Variants in SHANK2 observed in about 807,000 individuals in gnomAD.
SHANK2 encodes the protein SH3 and multiple ankyrin repeat domains 2.
A neutral mutation model predicts 133.7 loss-of-function variants in SHANK2; 43 were observed. The ratio of observed to expected loss-of-function variants is 0.32; its 90% confidence interval spans 0.25 to 0.41. SHANK2 has a LOEUF of 0.41. Ranked by LOEUF, SHANK2 falls within the 10% of genes least tolerant of loss-of-function variation. The probability of loss-of-function intolerance (pLI) is 1.00; values close to 1 mark genes in which losing one functional copy is unlikely to be tolerated. For synonymous variants in SHANK2, 1,017 were observed against 952.8 expected (o/e 1.07, Z -1.24); for missense variants, 1,994 against 2,235.8 (o/e 0.89, Z 2.18).
At chr11:70,938,213 T>C (rs1009882204) in intron 10 of SHANK2, among the ~76,000 whole-genome samples, 3 of 152,022 alleles carry the variant, frequency 2.0e-5, no homozygotes, top group Non-Finnish European at 1.5e-5. Context: ...GGTTTTCAGG[T>C]GGGACCAGCA....
intron 15 of SHANK2, among the ~76,000 whole-genome samples, chr11:70,696,207 C>T (rs970358408): frequency 6.6e-6 from 1 of 152,162 alleles, no homozygotes; most frequent in Non-Finnish European, 1.5e-5. Context: ...TGAACAGCCA[C>T]AATAGTTCTG....
chr11:71,118,261 T>G (rs1265051596), intron 4 of SHANK2, among the ~76,000 whole-genome samples: 1 of 152,202 alleles, frequency 6.6e-6, no homozygotes, highest in Non-Finnish European at 1.5e-5. Context: ...TGTACAACAG[T>G]GTGAGATTCA....
chr11:71,084,627 G>C (rs1361937151), intron 8 of SHANK2, among the ~76,000 whole-genome samples: 1 of 152,206 alleles, frequency 6.6e-6, no homozygotes, highest in African/African-American at 2.4e-5. Flanking sequence ...TGCTTCTCCC[G>C]AGAGGGCAGA....
intron 2 of SHANK2, among the ~76,000 whole-genome samples, chr11:71,151,219 G>A (rs1171055487): frequency 1.3e-5 from 2 of 152,134 alleles, no homozygotes; most frequent in African/African-American, 4.8e-5. Flanking sequence ...TATAACTGGG[G>A]GGCCCTGTGA....
At chr11:71,227,543 C>G (rs1359559181) in intron 1 of SHANK2, among the ~76,000 whole-genome samples, 2 of 151,268 alleles carry the variant, frequency 1.3e-5, no homozygotes, top group Non-Finnish European at 3.0e-5. Context: ...TACCAAACAA[C>G]AGAGGAGCAA....
intron 12 of SHANK2, among the ~76,000 whole-genome samples, chr11:70,809,797 T>C (rs1482509803): frequency 6.6e-6 from 1 of 152,162 alleles, no homozygotes; most frequent in African/African-American, 2.4e-5. Flanking sequence ...CTTGGATGCT[T>C]ACCTGGGCTC....
intron 12 of SHANK2, among the ~76,000 whole-genome samples, chr11:70,812,842 T>C (rs1948307637): frequency 6.6e-6 from 1 of 152,154 alleles, no homozygotes; most frequent in African/African-American, 2.4e-5. Flanking sequence ...CCAGGAGGGA[T>C]TCTAACCAAC....
chr11:70,504,038 C>T (rs2059100239), intron 17 of SHANK2, among the ~76,000 whole-genome samples: 1 of 152,236 alleles, frequency 6.6e-6, no homozygotes, highest in South Asian at 2.1e-4. Context: ...AGGCAGCTGT[C>T]TCTAGGTGGC....
intron 3 of SHANK2, among the ~76,000 whole-genome samples, chr11:71,127,920 T>C (rs1555103041): frequency 6.6e-6 from 1 of 152,226 alleles, no homozygotes. Context: ...CCAGGCTGCA[T>C]ACAACCCCGC....
At chr11:71,115,935 T>A (rs1951970924) in intron 4 of SHANK2, among the ~76,000 whole-genome samples, 1 of 152,114 alleles carries the variant, frequency 6.6e-6, no homozygotes, top group Non-Finnish European at 1.5e-5. Flanking sequence ...CAATGACAAT[T>A]TTTTTCCCAA....
chr11:70,681,877 G>A (rs114802692), intron 15 of SHANK2, among the ~76,000 whole-genome samples: 207 of 152,216 alleles, frequency 1.4e-3, no homozygotes, highest in African/African-American at 4.9e-3. Context: ...GGTTCTGCAC[G>A]GGCTTCAGGT....
intron 21 of SHANK2, among the ~76,000 whole-genome samples, chr11:70,494,832 C>T (rs2058946244): frequency 6.6e-6 from 1 of 152,182 alleles, no homozygotes; most frequent in South Asian, 2.1e-4. Flanking sequence ...GCACTCTCTC[C>T]CTTCATGACC....
intron 2 of SHANK2, among the ~76,000 whole-genome samples, chr11:71,192,005 C>T (rs114534526): frequency 0.011 from 1,625 of 152,158 alleles, 27 homozygotes; most frequent in African/African-American, 0.037. Flanking sequence ...GGACTACAGG[C>T]CCACAATACC....
At chr11:71,169,483 C>T (rs1327089626) in intron 2 of SHANK2, among the ~76,000 whole-genome samples, 3 of 152,168 alleles carry the variant, frequency 2.0e-5, no homozygotes, top group African/African-American at 7.2e-5. Flanking sequence ...GGTGCGGTGG[C>T]TCACGCCTAT....
chr11:70,568,040 A>C (rs1554982245), intron 17 of SHANK2, among the ~76,000 whole-genome samples: 1 of 152,244 alleles, frequency 6.6e-6, no homozygotes, highest in East Asian at 1.9e-4. Context: ...GCTGATGGCC[A>C]GTACTGGAGG....
chr11:70,493,463 C>CTT, intron 21 of SHANK2, among the ~76,000 whole-genome samples: 1 of 122,352 alleles, frequency 8.2e-6, no homozygotes, highest in East Asian at 2.6e-4. Context: ...ATTTGCAGCA[C>CTT]ATTTTTTTTT....
intron 10 of SHANK2, among the ~76,000 whole-genome samples, chr11:70,919,298 C>T (rs782815091): frequency 6.6e-6 from 1 of 152,100 alleles, no homozygotes; most frequent in Non-Finnish European, 1.5e-5. Flanking sequence ...TTGACTCTCT[C>T]AGCTATTCAA....
intron 6 of SHANK2, among the ~76,000 whole-genome samples, chr11:71,105,197 C>T (rs530581622): frequency 6.6e-6 from 1 of 152,276 alleles, no homozygotes; most frequent in African/African-American, 2.4e-5. Context: ...GCACCTTCCG[C>T]ACGTGCTGCC....
chr11:70,820,786 T>C (rs1555055776), intron 11 of SHANK2, 104 bp from the exon 12 acceptor site: 2 of 568,028 alleles, frequency 3.5e-6, no homozygotes, highest in Non-Finnish European at 3.1e-6. Context: ...CAAGCCCCCA[T>C]GCGAGCCCAG....
Sources: gnomAD v4.1 joint callset for allele counts (sites outside exome capture counted in the v4.1 genomes callset) on GRCh38, gnomAD v4.1.1 for gene constraint, MANE v1.5 for transcripts, NCBI Gene and HGNC (gene_info 2026-07-23, HGNC 2026-07-21) for gene names.